Variants in HHLA2 observed in about 807,000 individuals in gnomAD.
The protein encoded by HHLA2 is HERV-H LTR-associating protein 2.
Under a neutral mutation model 45.9 loss-of-function variants are expected in HHLA2, and 48 were observed. The observed-to-expected ratio is 1.05, with a 90% CI of 0.83 to 1.33. The LOEUF (loss-of-function observed/expected upper bound fraction) is 1.33. Ranked by LOEUF, HHLA2 falls within the 40% of genes most tolerant of loss-of-function variation. The pLI is 0.00. For synonymous variants in HHLA2, 161 were observed against 173.9 expected (o/e 0.93, Z 0.59); for missense variants, 462 against 494.3 (o/e 0.93, Z 0.62).
chr3:108,337,645 G>A (rs186482996), intron 3 of HHLA2, among the ~76,000 whole-genome samples: 7 of 152,180 alleles, frequency 4.6e-5, no homozygotes, highest in Admixed American at 3.3e-4. Flanking sequence ...AATACATAAC[G>A]AAAGCTCACC....
chr3:108,375,464 A>C (rs2107521146), intron 8 of HHLA2, among the ~76,000 whole-genome samples: 1 of 152,242 alleles, frequency 6.6e-6, no homozygotes, highest in East Asian at 1.9e-4. Flanking sequence ...TGTACCCTAA[A>C]ACTTAAAAGA....
intron 4 of HHLA2, among the ~76,000 whole-genome samples, chr3:108,353,218 T>C (rs1360130836): frequency 1.3e-5 from 2 of 152,194 alleles, no homozygotes; most frequent in Admixed American, 6.5e-5. Flanking sequence ...CCCAGTTACA[T>C]TGCATAAAAC....
At chr3:108,320,249 A>C (rs1332387831) in intron 2 of HHLA2, among the ~76,000 whole-genome samples, 2 of 152,168 alleles carry the variant, frequency 1.3e-5, no homozygotes, top group Admixed American at 6.6e-5. Flanking sequence ...TCCAATTTAC[A>C]CTTGAACCAT....
intron 3 of HHLA2, among the ~76,000 whole-genome samples, chr3:108,334,041 T>A (rs1351584725): frequency 6.6e-6 from 1 of 152,152 alleles, no homozygotes; most frequent in Admixed American, 6.6e-5. Context: ...AAAATGCACA[T>A]TACTGTTCTT....
At chr3:108,322,978 T>A (rs144515789) in intron 2 of HHLA2, among the ~76,000 whole-genome samples, 2 of 152,218 alleles carry the variant, frequency 1.3e-5, no homozygotes, top group African/African-American at 4.8e-5. Context: ...AGATTCATTT[T>A]CTTGGGTTTA....
intron 3 of HHLA2, among the ~76,000 whole-genome samples, chr3:108,345,273 A>G (rs1476696223): frequency 6.6e-6 from 1 of 152,258 alleles, no homozygotes; most frequent in Non-Finnish European, 1.5e-5. Context: ...GCAAAGCAAC[A>G]TAACCTGAGA....
intron 1 of HHLA2, among the ~76,000 whole-genome samples, chr3:108,306,082 G>A (rs190545192): frequency 6.6e-6 from 1 of 152,152 alleles, no homozygotes. Context: ...TTGGTGCAAG[G>A]GTTCCCCAGT....
exon 7 of HHLA2, chr3:108,357,908 T>C (rs1372754153): frequency 3.1e-6 from 5 of 1,613,746 alleles, no homozygotes; most frequent in Non-Finnish European, 4.2e-6. Flanking sequence ...ATGATTATTT[T>C]TCACCAAACC....
chr3:108,334,241 A>G (rs991481022), intron 3 of HHLA2, among the ~76,000 whole-genome samples: 4 of 152,194 alleles, frequency 2.6e-5, no homozygotes, highest in African/African-American at 9.6e-5. Flanking sequence ...CTTAGATTAA[A>G]CATGGAATCT....
intron 8 of HHLA2, among the ~76,000 whole-genome samples, chr3:108,368,954 C>A (rs1360192788): frequency 6.6e-6 from 1 of 152,154 alleles, no homozygotes; most frequent in Non-Finnish European, 1.5e-5. Flanking sequence ...AGCACTTATT[C>A]TAAAATCGAC....
intron 3 of HHLA2, among the ~76,000 whole-genome samples, chr3:108,338,448 G>A (rs1055494753): frequency 4.6e-5 from 7 of 151,886 alleles, no homozygotes; most frequent in Admixed American, 1.3e-4. Flanking sequence ...CAAGTTATGA[G>A]GACATGCTTG....
At chr3:108,296,864 T>G (rs1397576440) in intron 1 of HHLA2, among the ~76,000 whole-genome samples, 1 of 152,242 alleles carries the variant, frequency 6.6e-6, no homozygotes, top group Non-Finnish European at 1.5e-5. Context: ...AACATTCTGG[T>G]AAGACAGTGA....
chr3:108,303,974 A>G (rs1249890629), intron 1 of HHLA2, among the ~76,000 whole-genome samples: 3 of 152,154 alleles, frequency 2.0e-5, no homozygotes, highest in Non-Finnish European at 4.4e-5. Flanking sequence ...TTTTTGTTAG[A>G]TAATTGAACT....
At chr3:108,360,879 A>G (rs1416041735) in intron 7 of HHLA2, among the ~76,000 whole-genome samples, 1 of 152,222 alleles carries the variant, frequency 6.6e-6, no homozygotes, top group Non-Finnish European at 1.5e-5. Context: ...AGAGATTAAT[A>G]TTTTATTAGT....
chr3:108,342,321 C>T (rs556464266), intron 3 of HHLA2, among the ~76,000 whole-genome samples: 200 of 131,880 alleles, frequency 1.5e-3, no homozygotes, highest in Middle Eastern at 0.012. Flanking sequence ...TGGAGTGCAA[C>T]GGCGCGCTCT....
chr3:108,307,154 A>G (rs1289790905), intron 1 of HHLA2, among the ~76,000 whole-genome samples: 2 of 152,196 alleles, frequency 1.3e-5, no homozygotes, highest in South Asian at 2.1e-4. Flanking sequence ...CTTAGATTTT[A>G]TACTCATTTA....
At chr3:108,300,256 G>A (rs994372845) in intron 1 of HHLA2, among the ~76,000 whole-genome samples, 1 of 152,162 alleles carries the variant, frequency 6.6e-6, no homozygotes, top group African/African-American at 2.4e-5. Flanking sequence ...TGAAGTACCA[G>A]CTTTTGCAGA....
intron 7 of HHLA2, among the ~76,000 whole-genome samples, chr3:108,361,959 T>C (rs186328208): frequency 3.9e-5 from 6 of 152,288 alleles, no homozygotes; most frequent in African/African-American, 1.4e-4. Context: ...TTGTTTCTTA[T>C]TACAGTATAA....
At chr3:108,311,064 GTA>G (rs910915098) in intron 2 of HHLA2, among the ~76,000 whole-genome samples, 4 of 152,156 alleles carry the variant, frequency 2.6e-5, no homozygotes, top group Admixed American at 2.6e-4. Context: ...GTATGTGTCT[GTA>G]TCTAGCATAT....
Sources: allele counts gnomAD v4.1 joint callset (sites outside exome capture counted in the v4.1 genomes callset), GRCh38; gene constraint gnomAD v4.1.1; transcripts MANE v1.5; gene names NCBI Gene and HGNC (gene_info 2026-07-23, HGNC 2026-07-21).